PLCXD2: variants seen among roughly 807,000 people sequenced by gnomAD.
PLCXD2 encodes PI-PLC X domain-containing protein 2.
PLCXD2 carries 21 observed loss-of-function variants against 28.6 expected under a neutral mutation model. The observed-to-expected ratio is 0.73, with a 90% confidence interval of 0.52 to 1.06. The LOEUF (loss-of-function observed/expected upper bound fraction) is 1.06. PLCXD2 is among the 50% of genes least tolerant of loss of function. PLCXD2 has a pLI of 0.00. For synonymous variants in PLCXD2, 140 were observed against 150.1 expected, an observed-to-expected ratio of 0.93 and a Z score of 0.49; for missense variants, 369 against 376.7, an observed-to-expected ratio of 0.98 and a Z score of 0.17.
chr3:111,680,512 T>TTTTTG (rs1368426264), intron 1 of PLCXD2, among the ~76,000 whole-genome samples: 2 of 152,142 alleles, frequency 1.3e-5, no homozygotes, highest in South Asian at 2.1e-4. Flanking sequence ...GAATCGTTTA[T>TTTTTG]TTTTGTTTTG....
At position 111,693,162 on chromosome 3, in the gene PLCXD2, AT is replaced by A. The variant is rs1342395488; in HGVS notation, c.164-14762del. Among the ~76,000 whole-genome samples the A allele has an allele frequency of 6.6e-5, 10 of 152,304 alleles. No individual in the cohort carries two copies. The South Asian group carries it at 1.7e-3, about 25-fold the overall frequency. ...AATCACCAGGAGGTTTATATAGATT[AT>A]TGTACTGCAAAAGCTCATAAAAGGC... is the stretch of plus-strand genomic sequence containing the variant. On this transcript the variant is annotated intron_variant, in intron 1 of 4. Coordinates refer to ENST00000477665, the MANE Select transcript of PLCXD2 (RefSeq NM_001185106.1).
At chr3:111,705,266 T>C (rs116565456) in intron 1 of PLCXD2, among the ~76,000 whole-genome samples, 1,806 of 152,332 alleles carry the variant, frequency 0.012, 23 homozygotes, top group Non-Finnish European at 0.016. Context: ...ATGTAATATT[T>C]ATCTTTCTGT....
chr3:111,705,392 T>G (rs1941102794), intron 1 of PLCXD2, among the ~76,000 whole-genome samples: 1 of 152,204 alleles, frequency 6.6e-6, no homozygotes. Context: ...TATACCACAT[T>G]TTTTATCCAT....
At chr3:111,709,406 GTGTC>G (rs1415221716) in intron 2 of PLCXD2, among the ~76,000 whole-genome samples, 3 of 152,008 alleles carry the variant, frequency 2.0e-5, no homozygotes, top group African/African-American at 7.3e-5. Context: ...GTGTGTGTAT[GTGTC>G]TGTGTGTCAC....
chr3:111,710,706 T>G (rs2107865468), intron 2 of PLCXD2, among the ~76,000 whole-genome samples: 1 of 152,336 alleles, frequency 6.6e-6, no homozygotes, highest in South Asian at 2.1e-4. Context: ...TGAGCCCCTA[T>G]TATCAGAAGA....
chr3:111,702,898 T>G (rs2107857641), intron 1 of PLCXD2, among the ~76,000 whole-genome samples: 1 of 152,350 alleles, frequency 6.6e-6, no homozygotes, highest in African/African-American at 2.4e-5. Flanking sequence ...ATATTAGGAT[T>G]TTCTATTTGT....
chr3:111,702,951 G>A (rs1475224477), intron 1 of PLCXD2, among the ~76,000 whole-genome samples: 1 of 152,190 alleles, frequency 6.6e-6, no homozygotes, highest in Admixed American at 6.5e-5. Context: ...TATTGTATGT[G>A]CAGGAATGGG....
chr3:111,701,415 G>C (rs559707673), intron 1 of PLCXD2, among the ~76,000 whole-genome samples: 1 of 152,150 alleles, frequency 6.6e-6, no homozygotes, highest in Admixed American at 6.5e-5. Flanking sequence ...AGTCCAGAAA[G>C]GGGCCTGCCT....
chr3:111,700,209 C>T (rs1941021943), intron 1 of PLCXD2, among the ~76,000 whole-genome samples: 1 of 152,144 alleles, frequency 6.6e-6, no homozygotes, highest in African/African-American at 2.4e-5. Flanking sequence ...GGTTGAGGAT[C>T]ACCACTTTAC....
intron 2 of PLCXD2, among the ~76,000 whole-genome samples, 186 bp downstream of exon 2, chr3:111,708,572 C>A (rs1324529215): frequency 1.3e-5 from 2 of 152,178 alleles, no homozygotes; most frequent in African/African-American, 2.4e-5. Context: ...GGGCTAACAC[C>A]TGCCAAATAC....
Position 111,675,028 on chromosome 3 carries a change from A to T in PLCXD2, c.-218A>T. On this transcript the variant is annotated 5_prime_UTR_variant, in exon 1 of 5. Transcript: ENST00000477665. ...AAGTTTAACGGAGCTGGGACTGAGC[A>T]GATTAAGGGAGTGGAGCGGAGGCTG... The T allele has an allele frequency of 5.4e-6, 3 of 555,786 alleles. 1 individual carries two copies. In the South Asian group the frequency reaches 7.6e-5, roughly 14 times the overall value. 34.4% of individuals were successfully genotyped at this position (555,786 alleles called of 1,614,324 possible).
At chr3:111,680,212 G>A (rs1940691730) in intron 1 of PLCXD2, among the ~76,000 whole-genome samples, 1 of 152,152 alleles carries the variant, frequency 6.6e-6, no homozygotes, top group African/African-American at 2.4e-5. Context: ...CCTTAGTGGA[G>A]CAGGATGGAG....
At chr3:111,704,301 C>T (rs1275106349) in intron 1 of PLCXD2, among the ~76,000 whole-genome samples, 3 of 152,190 alleles carry the variant, frequency 2.0e-5, no homozygotes, top group Admixed American at 6.5e-5. Flanking sequence ...AGTCCCTCAC[C>T]TCAGAGCCAG....
At chr3:111,723,883 A>G (rs1941380479) in intron 3 of PLCXD2, 1 of 152,230 alleles carries the variant, frequency 6.6e-6, no homozygotes, top group African/African-American at 2.4e-5. Flanking sequence ...GCTCAGAACT[A>G]ACTTCAAGAT....
intron 3 of PLCXD2, among the ~76,000 whole-genome samples, chr3:111,719,640 C>T (rs980021958): frequency 6.6e-6 from 1 of 152,094 alleles, no homozygotes; most frequent in African/African-American, 2.4e-5. Context: ...AGAAAACTCA[C>T]GTGAAATAAT....
intron 1 of PLCXD2, among the ~76,000 whole-genome samples, chr3:111,682,243 A>T (rs1940727985): frequency 6.6e-6 from 1 of 152,218 alleles, no homozygotes; most frequent in Admixed American, 6.5e-5. Context: ...GGAGGATTAT[A>T]TTAGTAGGTC....
At chr3:111,715,237 C>T (rs1438993407) in intron 3 of PLCXD2, among the ~76,000 whole-genome samples, 3 of 152,154 alleles carry the variant, frequency 2.0e-5, no homozygotes, top group African/African-American at 7.2e-5. Context: ...TAAACCAGCA[C>T]TATATCTCTT....
At chr3:111,683,747 A>C (rs375907891) in intron 1 of PLCXD2, among the ~76,000 whole-genome samples, 50 of 152,246 alleles carry the variant, frequency 3.3e-4, no homozygotes, top group African/African-American at 1.0e-3. Context: ...ATGACTGGAG[A>C]GGTATACATT....
intron 2 of PLCXD2, among the ~76,000 whole-genome samples, chr3:111,709,357 A>G (rs1354200144): frequency 6.6e-6 from 1 of 152,176 alleles, no homozygotes; most frequent in Admixed American, 6.5e-5. Flanking sequence ...GTGGAGGGAG[A>G]TAGATCATAG....
Sources: allele counts gnomAD v4.1 joint callset (sites outside exome capture counted in the v4.1 genomes callset), GRCh38; gene constraint gnomAD v4.1.1; transcripts MANE v1.5; gene names NCBI Gene and HGNC (gene_info 2026-07-23, HGNC 2026-07-21).